B3GLCT: variants seen among roughly 807,000 people sequenced by gnomAD.
B3GLCT encodes beta 3-glucosyltransferase.
B3GLCT carries 65 observed loss-of-function variants against 63.4 expected under a neutral mutation model. The observed-to-expected ratio is 1.03, with a 90% confidence interval of 0.84 to 1.26. The LOEUF is 1.26. B3GLCT is among the 50% of genes most tolerant of loss of function. The pLI, the probability that B3GLCT is intolerant of heterozygous loss-of-function variation, is 0.00. For missense variants in B3GLCT, 577 were observed against 604.8 expected (o/e 0.95, Z 0.48); for synonymous variants, 233 against 219.2 (o/e 1.06, Z -0.55).
intron 4 of B3GLCT, among the ~76,000 whole-genome samples, chr13:31,239,777 A>T (rs937631607): frequency 6.6e-6 from 1 of 151,954 alleles, no homozygotes; most frequent in African/African-American, 2.4e-5. Flanking sequence ...AAAGCATATT[A>T]ACACCTGTCT....
At chr13:31,266,219 C>G (rs186298868) in intron 7 of B3GLCT, among the ~76,000 whole-genome samples, 4 of 152,170 alleles carry the variant, frequency 2.6e-5, no homozygotes, top group Admixed American at 2.6e-4. Flanking sequence ...AGGATGGCCT[C>G]GATCTCCTGA....
chr13:31,254,006 A>G (rs539459425), intron 6 of B3GLCT, among the ~76,000 whole-genome samples: 81 of 152,356 alleles, frequency 5.3e-4, no homozygotes, highest in Non-Finnish European at 1.8e-4. Context: ...ATAGACCAAT[A>G]GCAAGTTCTG....
chr13:31,322,220 A>G (rs897684608), intron 13 of B3GLCT, among the ~76,000 whole-genome samples: 1 of 152,234 alleles, frequency 6.6e-6, no homozygotes. Flanking sequence ...ATGTTGGGCA[A>G]TGTCCTCGGA....
intron 6 of B3GLCT, among the ~76,000 whole-genome samples, chr13:31,259,555 T>G (rs949387658): frequency 6.6e-6 from 1 of 151,450 alleles, no homozygotes; most frequent in Non-Finnish European, 1.5e-5. Flanking sequence ...TTTCCCCCCT[T>G]GGTTTTTGTG....
intron 7 of B3GLCT, among the ~76,000 whole-genome samples, chr13:31,267,058 ACT>A (rs1872359079): frequency 6.6e-6 from 1 of 152,172 alleles, no homozygotes; most frequent in African/African-American, 2.4e-5. Flanking sequence ...GGCATGAGCC[ACT>A]CTCAGAAATT....
At chr13:31,317,339 T>A (rs1483120626) in intron 12 of B3GLCT, among the ~76,000 whole-genome samples, 1 of 152,250 alleles carries the variant, frequency 6.6e-6, no homozygotes, top group East Asian at 1.9e-4. Context: ...GCCCCTTGTG[T>A]CTCAGTTTCT....
rs368693579 is a variant in B3GLCT at position 31,247,049 on chromosome 13, T to C, written c.297T>C (p.His99=). The C allele has an allele frequency of 1.2e-6, 2 of 1,612,510 alleles. No homozygotes were observed. The highest frequency in any genetic ancestry group is 2.7e-5 in the African/African-American group (2 of 74,728). The stretch of plus-strand genomic sequence containing the variant: ...AGCTCCCCAGTGTCCTCCTCCTTCA[T>C]CAGCTGGCTAAACAAGAAGGTGCAT... ...TQELPSVLLL[H]QLAKQEGAWT... is the part of the protein sequence containing the mutation. Residue 99 remains histidine, a synonymous_variant, in exon 5 of 15, where the codon CAT becomes CAC. Coordinates refer to ENST00000343307, the MANE Select transcript of B3GLCT (RefSeq NM_194318.4).
chr13:31,298,595 C>G (rs1360652920), intron 12 of B3GLCT, among the ~76,000 whole-genome samples: 3 of 152,216 alleles, frequency 2.0e-5, no homozygotes, highest in African/African-American at 7.2e-5. Flanking sequence ...ACCCATTATT[C>G]ATTCCTTTAC....
At chr13:31,241,803 G>A (rs1870955112) in intron 4 of B3GLCT, among the ~76,000 whole-genome samples, 1 of 152,158 alleles carries the variant, frequency 6.6e-6, no homozygotes, top group Admixed American at 6.5e-5. Flanking sequence ...TGGATATTAG[G>A]GAATGGATGA....
At chr13:31,316,568 G>T (rs1049035992) in intron 12 of B3GLCT, among the ~76,000 whole-genome samples, 5 of 150,848 alleles carry the variant, frequency 3.3e-5, no homozygotes, top group Non-Finnish European at 7.4e-5. Context: ...TGGGGCCTGT[G>T]GCCCCTTTGT....
intron 13 of B3GLCT, among the ~76,000 whole-genome samples, chr13:31,319,445 G>A (rs891211619): frequency 1.1e-4 from 16 of 151,890 alleles, no homozygotes; most frequent in Non-Finnish European, 1.6e-4. Flanking sequence ...CCTTGCTGTC[G>A]CTAAATCAAA....
chr13:31,314,010 C>G (rs1367009174), intron 12 of B3GLCT, among the ~76,000 whole-genome samples: 1 of 152,192 alleles, frequency 6.6e-6, no homozygotes, highest in East Asian at 1.9e-4. Context: ...AGCCCCAAGC[C>G]TTGGCAGCTT....
chr13:31,311,598 C>G (rs1874713575), intron 12 of B3GLCT: 1 of 152,262 alleles, frequency 6.6e-6, no homozygotes, highest in Non-Finnish European at 1.5e-5. Context: ...AGAAATTGAT[C>G]TCCATCATAC....
intron 12 of B3GLCT, among the ~76,000 whole-genome samples, chr13:31,298,727 C>T (rs1490296566): frequency 6.6e-6 from 1 of 152,170 alleles, no homozygotes; most frequent in Non-Finnish European, 1.5e-5. Flanking sequence ...TAGCAGGTAC[C>T]TTCTCCTCAG....
chr13:31,309,527 G>A (rs988361178), intron 12 of B3GLCT, among the ~76,000 whole-genome samples: 2 of 152,192 alleles, frequency 1.3e-5, no homozygotes, highest in Admixed American at 6.5e-5. Context: ...GGTTCCCACA[G>A]CCCCTTCTTT....
rs115300009 is a variant in B3GLCT, at chr13:31,324,374, G to A, written c.1329+479G>A. On this transcript the variant is annotated intron_variant, in intron 14 of 14. Coordinates refer to ENST00000343307, the MANE Select transcript of B3GLCT (RefSeq NM_194318.4). Reference sequence around the variant, plus strand: ...AAAATGAATGGCTAAAATCTATTAAGTTGCAAATGGGTATCTCAATAAGCA... The same window carrying A: ...AAAATGAATGGCTAAAATCTATTAAATTGCAAATGGGTATCTCAATAAGCA... Among the ~76,000 whole-genome samples the A allele has an allele frequency of 4.6e-3, 694 of 152,218 alleles. 7 individuals carry two copies. The highest frequency in any genetic ancestry group is 0.016 in the African/African-American group (666 of 41,526).
At chr13:31,227,080 A>T (rs1824171882) in intron 3 of B3GLCT, among the ~76,000 whole-genome samples, 1 of 152,196 alleles carries the variant, frequency 6.6e-6, no homozygotes, top group Admixed American at 6.5e-5. Flanking sequence ...TTTTTTCAGC[A>T]TTATGACTAT....
At chr13:31,259,215 T>C (rs1009262032) in intron 6 of B3GLCT, among the ~76,000 whole-genome samples, 2 of 152,246 alleles carry the variant, frequency 1.3e-5, no homozygotes, top group African/African-American at 4.8e-5. Context: ...CTGCAAAATC[T>C]GTTTTATCTG....
chr13:31,232,346 C>T (rs1023515582), intron 4 of B3GLCT, among the ~76,000 whole-genome samples: 39 of 152,072 alleles, frequency 2.6e-4, no homozygotes, highest in African/African-American at 8.7e-4. Flanking sequence ...TCTGGGGAGG[C>T]CTCAGGAAAC....
Sources: allele counts gnomAD v4.1 joint callset (sites outside exome capture counted in the v4.1 genomes callset), GRCh38; gene constraint gnomAD v4.1.1; transcripts MANE v1.5; gene names NCBI Gene and HGNC (gene_info 2026-07-23, HGNC 2026-07-21).